Variants in MACROD1 observed in about 807,000 individuals in gnomAD.
MACROD1 encodes the protein ADP-ribose glycohydrolase MACROD1.
A neutral mutation model predicts 41.4 loss-of-function variants in MACROD1; 31 were observed. The ratio of observed to expected loss-of-function variants is 0.75; its 90% CI spans 0.56 to 1.01. The LOEUF is 1.01. MACROD1 is among the 50% of genes least tolerant of loss of function. MACROD1 has a pLI of 0.00. For missense variants in MACROD1, 473 were observed against 460.0 expected, an observed-to-expected ratio of 1.03 and a Z score of -0.26; for synonymous variants, 252 against 203.4, an observed-to-expected ratio of 1.24 and a Z score of -2.03.
At chr11:64,070,508 A>C (rs1944087314) in intron 3 of MACROD1, among the ~76,000 whole-genome samples, 2 of 152,208 alleles carry the variant, frequency 1.3e-5, no homozygotes, top group African/African-American at 2.4e-5. Context: ...GCAGGAATGC[A>C]GGCCATGGGA....
At chr11:64,103,088 A>G (rs569734924) in intron 3 of MACROD1, 1 of 152,298 alleles carries the variant, frequency 6.6e-6, no homozygotes, top group Non-Finnish European at 1.5e-5. Context: ...AAACAAAAAA[A>G]CAGGATCCAA....
intron 1 of MACROD1, among the ~76,000 whole-genome samples, chr11:64,153,165 C>G (rs578047975): frequency 6.6e-6 from 1 of 152,228 alleles, no homozygotes; most frequent in African/African-American, 2.4e-5. Flanking sequence ...GGGGGTGGCA[C>G]CAGGCACAGA....
chr11:64,086,258 G>A (rs1223848459), intron 3 of MACROD1, among the ~76,000 whole-genome samples: 1 of 151,770 alleles, frequency 6.6e-6, no homozygotes, highest in Non-Finnish European at 1.5e-5. Flanking sequence ...GGGGCCAGAG[G>A]GAGGCTTCCT....
Position 64,122,729 on chromosome 11 carries a change from G to C in MACROD1, c.517+28510C>G, listed in dbSNP as rs1467301732. ...GAAACTGGTGCTCCAGAGGCCAAGT[G>C]GGGGCCCTTCCCCGCTGCTGGTGCT... is the stretch of plus-strand genomic sequence containing the variant. On this transcript the variant is annotated intron_variant, in intron 3 of 10. Coordinates refer to ENST00000255681, the MANE Select transcript of MACROD1 (RefSeq NM_014067.4). This position sits in a 1 kb window ranked among gnomAD's most constrained non-coding sequence, Gnocchi z 4.0. Among the ~76,000 whole-genome samples the C allele has an allele frequency of 6.6e-6, 1 of 152,190 alleles. No individual in the cohort carries two copies. The highest frequency in any genetic ancestry group is 1.5e-5 in the Non-Finnish European group (1 of 68,030).
At chr11:64,004,530 G>T (rs1241361531) in intron 4 of MACROD1, among the ~76,000 whole-genome samples, 1 of 152,142 alleles carries the variant, frequency 6.6e-6, no homozygotes, top group East Asian at 1.9e-4. Flanking sequence ...TGGCCCACAG[G>T]ACCAGGAGGG....
chr11:64,112,562 TGTTA>T (rs1944881559), intron 3 of MACROD1, among the ~76,000 whole-genome samples: 1 of 151,998 alleles, frequency 6.6e-6, no homozygotes, highest in South Asian at 2.1e-4. Context: ...ACACGTAGTG[TGTTA>T]GTTGGTGGTA....
rs541829077 is a variant in MACROD1 at position 64,016,557 on chromosome 11, G to A, written c.518-1276C>T. Among the ~76,000 whole-genome samples the A allele has an allele frequency of 1.2e-4, 19 of 152,380 alleles. No individual in the cohort carries two copies. The South Asian group carries it at 3.7e-3, about 30-fold the overall frequency. ...CCAGGCTGCAGGCCCAAGATGCCGTGAGGACGGCATGGACGCTGCTAAGTG... is the reference window on the plus strand; with the variant it reads ...CCAGGCTGCAGGCCCAAGATGCCGTAAGGACGGCATGGACGCTGCTAAGTG... On this transcript the variant is annotated intron_variant, in intron 3 of 10. Coordinates refer to ENST00000255681, the MANE Select transcript of MACROD1 (RefSeq NM_014067.4).
chr11:64,006,004 C>T (rs1490909469), intron 4 of MACROD1, among the ~76,000 whole-genome samples: 5 of 152,212 alleles, frequency 3.3e-5, no homozygotes, highest in Admixed American at 3.3e-4. Context: ...GCTGGTTTCC[C>T]TCTCTGGAGG....
rs572624767 is a variant in MACROD1, at chr11:64,122,249, G to A, written c.517+28990C>T. 6.6e-6 allele frequency among the ~76,000 whole-genome samples: 1 copy of A among 152,328 alleles called. No homozygotes were observed. Among genetic ancestry groups the A allele is most frequent in the Admixed American group, 6.5e-5 (1 of 15,300 alleles). On this transcript the variant is annotated intron_variant, in intron 3 of 10. Transcript: ENST00000255681. The surrounding 1 kb of genome is among the most constrained non-coding windows in gnomAD (Gnocchi z 4.0). ...CCACAGCCTCCATCTTCTCTAAATA[G>A]GCTGGGGCTTGCTCCACGCTAACAT...
chr11:64,157,645 G>C (rs1463826363), intron 1 of MACROD1, among the ~76,000 whole-genome samples: 2 of 152,172 alleles, frequency 1.3e-5, no homozygotes, highest in Admixed American at 6.5e-5. Flanking sequence ...CGAAAGCCAA[G>C]CAGGAGGAAG....
intron 3 of MACROD1, among the ~76,000 whole-genome samples, chr11:64,063,973 G>A (rs1160626050): frequency 1.3e-5 from 2 of 152,190 alleles, no homozygotes; most frequent in African/African-American, 2.4e-5. Flanking sequence ...ACAATGAATC[G>A]CATCCGAGTG....
intron 4 of MACROD1, among the ~76,000 whole-genome samples, chr11:64,003,934 C>T (rs911823854): frequency 1.1e-4 from 16 of 152,346 alleles, no homozygotes; most frequent in African/African-American, 3.6e-4. Flanking sequence ...TTGGCTGCCC[C>T]CAGCGCTGAC....
At chr11:64,075,727 C>T (rs1944188303) in intron 3 of MACROD1, among the ~76,000 whole-genome samples, 1 of 152,222 alleles carries the variant, frequency 6.6e-6, no homozygotes, top group Admixed American at 6.5e-5. Flanking sequence ...GGCTGGAGCG[C>T]AGTGGCACAA....
intron 4 of MACROD1, among the ~76,000 whole-genome samples, chr11:64,008,819 G>C (rs1323920217): frequency 6.6e-6 from 1 of 152,142 alleles, no homozygotes; most frequent in Non-Finnish European, 1.5e-5. Flanking sequence ...GGTTGGGGAT[G>C]GGGTTCCATC....
At chr11:64,013,293 G>A (rs997400214) in intron 4 of MACROD1, among the ~76,000 whole-genome samples, 2 of 152,220 alleles carry the variant, frequency 1.3e-5, no homozygotes, top group African/African-American at 4.8e-5. Flanking sequence ...GTGCCAGCAT[G>A]GGGCAGGGGA....
At chr11:64,051,580 C>G (rs1253268883) in intron 3 of MACROD1, among the ~76,000 whole-genome samples, 1 of 152,250 alleles carries the variant, frequency 6.6e-6, no homozygotes, top group East Asian at 1.9e-4. Flanking sequence ...CTGTCCGGGT[C>G]TGACAGACGG....
At chr11:64,118,810 T>C (rs1945045325) in intron 3 of MACROD1, 2 of 167,578 alleles carry the variant, frequency 1.2e-5, no homozygotes, top group African/African-American at 4.8e-5. Flanking sequence ...AAAGATCTTT[T>C]GCCCTGGAGA....
intron 3 of MACROD1, among the ~76,000 whole-genome samples, chr11:64,060,846 G>C (rs1464629570): frequency 6.6e-6 from 1 of 152,166 alleles, no homozygotes; most frequent in East Asian, 1.9e-4. Flanking sequence ...GAGCCGGCGG[G>C]TGTGAACGGG....
At chr11:64,048,854 C>G (rs1442893708) in intron 3 of MACROD1, among the ~76,000 whole-genome samples, 31 of 152,224 alleles carry the variant, frequency 2.0e-4, no homozygotes, top group Non-Finnish European at 1.5e-5. Context: ...GGCACCAGGG[C>G]CATCCCATGG....
Sources: gnomAD v4.1 joint callset for allele counts (sites outside exome capture counted in the v4.1 genomes callset) on GRCh38, gnomAD v4.1.1 for gene constraint, Gnocchi (gnomAD v3.1) non-coding constraint, MANE v1.5 for transcripts, NCBI Gene and HGNC (gene_info 2026-07-23, HGNC 2026-07-21) for gene names.